Variants in CASZ1 observed in about 807,000 individuals in gnomAD.
CASZ1 encodes the protein castor zinc finger 1, also known as zinc finger protein castor homolog 1.
In CASZ1, 28 loss-of-function variants were observed where a neutral mutation model predicts 135.2. The ratio of observed to expected loss-of-function variants is 0.21; its 90% CI spans 0.15 to 0.28. The LOEUF (loss-of-function observed/expected upper bound fraction) is 0.28. Ranked by LOEUF, CASZ1 falls within the 10% of genes least tolerant of loss-of-function variation. CASZ1 has a pLI of 1.00. For missense variants in CASZ1, 2,161 were observed against 2,453.3 expected, an observed-to-expected ratio of 0.88 and a Z score of 2.52; for synonymous variants, 1,068 against 1,073.4, an observed-to-expected ratio of 0.99 and a Z score of 0.10.
chr1:10,786,999 G>A (rs565665081), intron 1 of CASZ1, among the ~76,000 whole-genome samples: 8 of 152,224 alleles, frequency 5.3e-5, no homozygotes, highest in Non-Finnish European at 1.0e-4. Flanking sequence ...CATAAAAACC[G>A]GCTCCCCTGA....
intron 1 of CASZ1, among the ~76,000 whole-genome samples, chr1:10,784,340 A>G (rs1640817467): frequency 1.3e-5 from 2 of 152,238 alleles, no homozygotes; most frequent in South Asian, 4.1e-4. Flanking sequence ...AGCTTCCAAC[A>G]GAACTTCCTG....
At chr1:10,660,693 T>A (rs1642994412) in intron 5 of CASZ1, 157 bp from the exon 6 acceptor site, 3 of 589,612 alleles carry the variant, frequency 5.1e-6, no homozygotes, top group Admixed American at 3.3e-5. Context: ...TGTTAGGTTT[T>A]ACGACTCTTA....
rs190691710 is a variant in CASZ1 at position 10,766,744 on chromosome 1, G to A, written c.-233-5887C>T. ...TACTAGTTCATGTTTATTAAGCATT[G>A]TGGGCTCAGGATTTTAATATATTAA... On this transcript the variant is annotated intron_variant, in intron 1 of 20. Transcript: ENST00000377022. 4.9e-3 allele frequency among the ~76,000 whole-genome samples: 747 copies of A among 152,348 alleles called. 2 individuals are homozygous for A. The highest frequency in any genetic ancestry group is 7.3e-3 in the Non-Finnish European group (495 of 68,036).
At chr1:10,771,360 C>T (rs1640573189) in intron 1 of CASZ1, among the ~76,000 whole-genome samples, 2 of 152,040 alleles carry the variant, frequency 1.3e-5, no homozygotes, top group Non-Finnish European at 2.9e-5. Flanking sequence ...CCGCTGTCTG[C>T]AGTTCTGTGT....
At chr1:10,784,239 C>T (rs1300368903) in intron 1 of CASZ1, among the ~76,000 whole-genome samples, 25 of 152,224 alleles carry the variant, frequency 1.6e-4, no homozygotes, top group Admixed American at 1.6e-3. Context: ...CTCACGACAT[C>T]TGGGTGTGCC....
chr1:10,672,436 G>T lies in CASZ1; in HGVS notation c.17-6865C>A, dbSNP rs1182339544. 2.0e-5 allele frequency among the ~76,000 whole-genome samples: 3 copies of T among 149,578 alleles called. No homozygotes were observed. The East Asian group carries it at 6.0e-4, about 30-fold the overall frequency. ...TAATTATGGCGGGTGTCCTTGGGACGGACAGTGATCCTTCACTCGCCAGCC... is the reference window on the plus strand; with the variant it reads ...TAATTATGGCGGGTGTCCTTGGGACTGACAGTGATCCTTCACTCGCCAGCC... On this transcript the variant is annotated intron_variant, in intron 4 of 20. Transcript: ENST00000377022.
At chr1:10,714,661 G>A (rs1570514912) in intron 2 of CASZ1, among the ~76,000 whole-genome samples, 1 of 152,310 alleles carries the variant, frequency 6.6e-6, no homozygotes, top group South Asian at 2.1e-4. Flanking sequence ...TCTCCCCAGC[G>A]CTCTGACAGA....
Position 10,666,277 on chromosome 1 carries a change from C to T in CASZ1, c.17-706G>A, listed in dbSNP as rs1455208024. ...CACTCAGGACCCTCCCGAAGGCCTC[C>T]GTGTTCCTCAGTCTCCTCCCTGCCT... On this transcript the variant is annotated intron_variant, in intron 4 of 20. Coordinates refer to ENST00000377022, the MANE Select transcript of CASZ1 (RefSeq NM_001079843.3). This position sits in a 1 kb window ranked among gnomAD's most constrained non-coding sequence, Gnocchi z 5.2. Among the ~76,000 whole-genome samples the T allele has an allele frequency of 2.6e-5, 4 of 152,188 alleles. No homozygotes were observed. The highest frequency in any genetic ancestry group is 4.1e-4 in the South Asian group (2 of 4,828).
At chr1:10,754,274 C>T (rs1570562152) in intron 2 of CASZ1, among the ~76,000 whole-genome samples, 1 of 152,218 alleles carries the variant, frequency 6.6e-6, no homozygotes, top group Non-Finnish European at 1.5e-5. Context: ...CCAGCACATC[C>T]TTTATTCCTT....
In CASZ1 at chr1:10,666,246, C is replaced by T. The variant is rs1321933971; in HGVS notation, c.17-675G>A. 1.3e-5 allele frequency among the ~76,000 whole-genome samples: 2 copies of T among 152,170 alleles called. No individual in the cohort carries two copies. The highest frequency in any genetic ancestry group is 4.8e-5 in the African/African-American group (2 of 41,446). On this transcript the variant is annotated intron_variant, in intron 4 of 20. Coordinates refer to ENST00000377022, the MANE Select transcript of CASZ1 (RefSeq NM_001079843.3). This position sits in a 1 kb window ranked among gnomAD's most constrained non-coding sequence, Gnocchi z 5.2. ...GCAGAGAGCAGAGATCTCCTTTTCTCCCAGCCACTCAGGACCCTCCCGAAG... is the reference window on the plus strand; with the variant it reads ...GCAGAGAGCAGAGATCTCCTTTTCTTCCAGCCACTCAGGACCCTCCCGAAG...
rs1394344357 is a variant in CASZ1, at chr1:10,756,103, CT to C, written c.-77+4597del. On this transcript the variant is annotated intron_variant, in intron 2 of 20. Transcript: ENST00000377022. The surrounding 1 kb of genome is among the most constrained non-coding windows in gnomAD (Gnocchi z 5.9). ...GGCCTGGCAGACACGCCCAGGAAGA[CT>C]GGCTGACACGCCCCTCGGAGCCAGG... 6.6e-6 allele frequency among the ~76,000 whole-genome samples: 1 copy of C among 152,166 alleles called. No homozygotes were observed. Among genetic ancestry groups the C allele is most frequent in the Non-Finnish European group, 1.5e-5 (1 of 68,018 alleles).
At chr1:10,686,380 G>A (rs995908939) in intron 4 of CASZ1, among the ~76,000 whole-genome samples, 9 of 152,242 alleles carry the variant, frequency 5.9e-5, no homozygotes, top group African/African-American at 2.2e-4. Context: ...CCTGGAAACA[G>A]GTCACACACC....
intron 4 of CASZ1, among the ~76,000 whole-genome samples, chr1:10,687,230 A>G (rs1638623781): frequency 6.6e-6 from 1 of 152,212 alleles, no homozygotes. Context: ...AGAAAAGGCC[A>G]GGCGACCTTT....
chr1:10,707,368 CT>C lies in CASZ1; in HGVS notation c.-76-1825del, dbSNP rs1209573087. 6.6e-6 allele frequency among the ~76,000 whole-genome samples: 1 copy of C among 152,196 alleles called. No individual in the cohort carries two copies. The highest frequency in any genetic ancestry group is 2.4e-5 in the African/African-American group (1 of 41,442). On this transcript the variant is annotated intron_variant, in intron 2 of 20. Transcript: ENST00000377022. This position sits in a 1 kb window ranked among gnomAD's most constrained non-coding sequence, Gnocchi z 5.0. ...GCGGTGTTGCCGTCCCCAACCACCC[CT>C]GTTTTCTGACAACAAGGGAGCGCGG...
chr1:10,773,550 C>T (rs2100597829), intron 1 of CASZ1, among the ~76,000 whole-genome samples: 1 of 152,156 alleles, frequency 6.6e-6, no homozygotes, highest in South Asian at 2.1e-4. Flanking sequence ...GTCTCACGCA[C>T]CCCGGGGACT....
At chr1:10,687,500 C>A (rs1262708863) in intron 4 of CASZ1, among the ~76,000 whole-genome samples, 1 of 152,246 alleles carries the variant, frequency 6.6e-6, no homozygotes, top group Non-Finnish European at 1.5e-5. Context: ...ACGCCCGGGG[C>A]AGAGGCCTGA....
intron 1 of CASZ1, among the ~76,000 whole-genome samples, chr1:10,775,170 GC>G (rs1640640952): frequency 6.6e-6 from 1 of 152,076 alleles, no homozygotes; most frequent in African/African-American, 2.4e-5. Flanking sequence ...TGGAAGCCAG[GC>G]CCCCAGTGCA....
At chr1:10,743,334 C>T (rs915865439) in intron 2 of CASZ1, among the ~76,000 whole-genome samples, 1 of 151,620 alleles carries the variant, frequency 6.6e-6, no homozygotes, top group African/African-American at 2.4e-5. Flanking sequence ...GGCTGGCTGT[C>T]CCCACGGTCG....
Position 10,705,760 on chromosome 1 carries a change from C to T in CASZ1, c.-76-216G>A, listed in dbSNP as rs1290229088. ...ATATGCCAGCCACAGTTTGCAAAAA[C>T]GTCAGAAAGTGGTAGGAACTGACTG... is the stretch of plus-strand genomic sequence containing the variant. On this transcript the variant is annotated intron_variant, in intron 2 of 20. Coordinates refer to ENST00000377022, the MANE Select transcript of CASZ1 (RefSeq NM_001079843.3). Among the ~76,000 whole-genome samples, 7 of 152,258 alleles carry T rather than the reference C, an allele frequency of 4.6e-5. No individual in the cohort carries two copies. In the South Asian group the frequency reaches 1.2e-3, roughly 27 times the overall value.
Sources: gnomAD v4.1 joint callset for allele counts (sites outside exome capture counted in the v4.1 genomes callset) on GRCh38, gnomAD v4.1.1 for gene constraint, Gnocchi (gnomAD v3.1) non-coding constraint, MANE v1.5 for transcripts, NCBI Gene and HGNC (gene_info 2026-07-23, HGNC 2026-07-21) for gene names.